The following RAD54B variants were observed in gnomAD, a reference collection of about 807,000 sequenced individuals.
RAD54B encodes RAD54 homolog B.
Under a neutral mutation model 95.8 loss-of-function variants are expected in RAD54B, and 78 were observed. That is an observed-to-expected ratio of 0.81 (90% confidence interval 0.68 to 0.98). The LOEUF is 0.98. RAD54B is among the 50% of genes least tolerant of loss of function. The pLI is 0.00. For missense variants in RAD54B, 957 were observed against 1,056.6 expected (o/e 0.91, Z 1.31); for synonymous variants, 328 against 354.9 (o/e 0.92, Z 0.85).
chr8:94,436,976 C>T (rs1044416338), intron 3 of RAD54B: 7 of 1,420,216 alleles, frequency 4.9e-6, no homozygotes, highest in Admixed American at 3.2e-5. Flanking sequence ...AGGCTAGCCT[C>T]ATTTAGGCCC....
Position 94,372,079 on chromosome 8 carries a change from T to A in RAD54B, c.*91A>T. The A allele has an allele frequency of 6.8e-7, 1 of 1,481,310 alleles. No homozygotes were observed. Among genetic ancestry groups the A allele is most frequent in the East Asian group, 2.5e-5 (1 of 40,192 alleles). 91.8% of individuals were successfully genotyped at this position (1,481,310 alleles called of 1,614,324 possible). On this transcript the variant is annotated 3_prime_UTR_variant, in exon 15 of 15. Coordinates refer to ENST00000336148, the MANE Select transcript of RAD54B (RefSeq NM_012415.3). ...TATATTTTGCAACATATACTGTAAT[T>A]TAAATAATTCTATTAATTTTCAAAA...
intron 3 of RAD54B, among the ~76,000 whole-genome samples, chr8:94,416,380 G>T (rs574179513): frequency 6.6e-6 from 1 of 151,984 alleles, no homozygotes; most frequent in African/African-American, 2.4e-5. Flanking sequence ...GTGGGGCGAG[G>T]GGGGAGGGAT....
At chr8:94,399,368 C>A in intron 8 of RAD54B, 46 bp downstream of exon 8, 2 of 1,484,092 alleles carry the variant, frequency 1.3e-6, no homozygotes, top group East Asian at 2.3e-5. Context: ...TCTGTATGTT[C>A]ACTAGGCAAA....
At chr8:94,473,547 T>C (rs909568991) in intron 1 of RAD54B, among the ~76,000 whole-genome samples, 25 of 152,082 alleles carry the variant, frequency 1.6e-4, no homozygotes, top group Admixed American at 1.6e-3. Flanking sequence ...ACTTGACACA[T>C]AGTAAGCACT....
At chr8:94,383,114 T>C (rs1264980887) in intron 11 of RAD54B, among the ~76,000 whole-genome samples, 3 of 151,652 alleles carry the variant, frequency 2.0e-5, no homozygotes, top group African/African-American at 2.4e-5. Context: ...CTGGGCAACA[T>C]GGTGAAACTC....
At chr8:94,377,890 G>A (rs1267316420) in intron 14 of RAD54B, among the ~76,000 whole-genome samples, 1 of 141,934 alleles carries the variant, frequency 7.0e-6, no homozygotes, top group Non-Finnish European at 1.5e-5. Flanking sequence ...GCAGGAGAAT[G>A]GCGTGAACCC....
At position 94,461,160 on chromosome 8, in the gene RAD54B, C is replaced by CTTTT. The variant is rs57563259; in HGVS notation, c.136-2728_136-2725dup. 2.0e-4 allele frequency among the ~76,000 whole-genome samples: 12 copies of CTTTT among 59,986 alleles called. 1 individual carries two copies. The highest frequency in any genetic ancestry group is 5.7e-4 in the East Asian group (1 of 1,760). 39.4% of individuals were successfully genotyped at this position (59,986 alleles called of 152,430 possible). On this transcript the variant is annotated intron_variant, in intron 2 of 14. Coordinates refer to ENST00000336148, the MANE Select transcript of RAD54B (RefSeq NM_012415.3). ...TTGTCATGTTATTATAAATACTCAT[C>CTTTT]TTTTTTTTTTTTTTTTTTTTTTTTT...
In RAD54B at chr8:94,380,414, T is replaced by A. The variant is rs1335988837; in HGVS notation, c.1986-8A>T. The A allele has an allele frequency of 1.9e-6, 3 of 1,568,710 alleles. No homozygotes were observed. In the African/African-American group the frequency reaches 4.1e-5, roughly 22 times the overall value. ...TTGGATACCAACACCACCCTGTCAATCAAAAAGAAAGATTCTTTAGATAAA... is the reference window on the plus strand; with the variant it reads ...TTGGATACCAACACCACCCTGTCAAACAAAAAGAAAGATTCTTTAGATAAA... On this transcript the variant is annotated splice_region_variant and splice_polypyrimidine_tract_variant and intron_variant, in intron 11 of 14. Coordinates refer to ENST00000336148, the MANE Select transcript of RAD54B (RefSeq NM_012415.3).
chr8:94,406,200 A>G (rs192317875), intron 5 of RAD54B, among the ~76,000 whole-genome samples: 2 of 152,296 alleles, frequency 1.3e-5, no homozygotes, highest in African/African-American at 2.4e-5. Flanking sequence ...CGTTTTACAC[A>G]TGAGTAGGCA....
chr8:94,458,220 T>C, intron 3 of RAD54B, 48 bp downstream of exon 3: 2 of 1,459,526 alleles, frequency 1.4e-6, no homozygotes, highest in African/African-American at 1.5e-5. Context: ...AAGAATACTG[T>C]AATACTATTG....
chr8:94,473,925 T>C (rs939739631), intron 1 of RAD54B, among the ~76,000 whole-genome samples: 7 of 152,194 alleles, frequency 4.6e-5, no homozygotes, highest in Admixed American at 6.5e-5. Flanking sequence ...GCCATGAGCA[T>C]TCAGTAGAAA....
At chr8:94,417,942 A>G (rs573864110) in intron 3 of RAD54B, among the ~76,000 whole-genome samples, 44 of 151,902 alleles carry the variant, frequency 2.9e-4, no homozygotes, top group African/African-American at 8.7e-4. Flanking sequence ...GCATGACCCA[A>G]TGAACTCTGA....
Position 94,467,389 on chromosome 8 carries a change from T to G in RAD54B, c.135+16A>C. ...TTCTCTATATTATCTATATCATGAG[T>G]CTTTTTTTGCCTTACCTCAAATAAT... is the stretch of plus-strand genomic sequence containing the variant. On this transcript the variant is annotated intron_variant, in intron 2 of 14. Coordinates refer to ENST00000336148, the MANE Select transcript of RAD54B (RefSeq NM_012415.3). 1 of 1,588,574 alleles carries G rather than the reference T, an allele frequency of 6.3e-7. No individual in the cohort carries two copies.
chr8:94,427,710 A>C (rs2130089132), intron 3 of RAD54B: 4 of 983,504 alleles, frequency 4.1e-6, no homozygotes, highest in South Asian at 9.4e-5. Flanking sequence ...AAAGTACACA[A>C]ATCAGTACAA....
At chr8:94,394,745 T>A (rs1171418816) in intron 8 of RAD54B, among the ~76,000 whole-genome samples, 1 of 152,150 alleles carries the variant, frequency 6.6e-6, no homozygotes, top group Non-Finnish European at 1.5e-5. Flanking sequence ...CAATGTAATA[T>A]CAGATGGCTT....
chr8:94,391,060 T>G (rs1476560390), intron 10 of RAD54B, among the ~76,000 whole-genome samples: 2 of 152,044 alleles, frequency 1.3e-5, no homozygotes, highest in Admixed American at 6.6e-5. Flanking sequence ...ATTTCCAGAT[T>G]AGGAATGCTC....
At chr8:94,429,072 G>A in intron 3 of RAD54B, 4 of 985,304 alleles carry the variant, frequency 4.1e-6, no homozygotes, top group Non-Finnish European at 2.4e-6. Context: ...AAACAAGACT[G>A]ACTTGGAGAA....
At position 94,378,189 on chromosome 8, in the gene RAD54B, C is replaced by T. The variant is rs755182346; in HGVS notation, c.2506G>A (p.Val836Ile). Residue 836 changes from valine to isoleucine, a missense_variant, in exon 14 of 15, where the codon GTT becomes ATT. Transcript: ENST00000336148. ...LLDCECTGEE[V>I]HTGDSLEKFI... is the part of the protein sequence containing the mutation. Reference sequence around the variant, plus strand: ...TTAAAATATAACTAACCTGTATGAACTTCTTCTCCTGTACACTCACAGTCA... The same window carrying T: ...TTAAAATATAACTAACCTGTATGAATTTCTTCTCCTGTACACTCACAGTCA... The T allele has an allele frequency of 2.4e-5, 38 of 1,608,230 alleles. No individual in the cohort carries two copies. The highest frequency in any genetic ancestry group is 4.1e-4 in the Middle Eastern group (2 of 4,930).
At position 94,391,763 on chromosome 8, in the gene RAD54B, C is replaced by A; in HGVS notation, c.1655G>T (p.Gly552Val). The change falls in exon 10 of 15, where the codon GGA becomes GTA. Residue 552 changes from glycine (G) to valine (V), a missense_variant. Transcript: ENST00000336148. ...TCGATAAAGCTCAATCTGTAGTGCTCCTGGTCGGCAAAAGACAACATTCTC... is the reference window on the plus strand; with the variant it reads ...TCGATAAAGCTCAATCTGTAGTGCTACTGGTCGGCAAAAGACAACATTCTC... Reference protein sequence around the residue: ...KIENVVFCRPGALQIELYRKL... With the variant: ...KIENVVFCRPVALQIELYRKL... 6.2e-7 allele frequency: 1 copy of A among 1,613,992 alleles called. No individual in the cohort carries two copies. The highest frequency in any genetic ancestry group is 1.1e-5 in the South Asian group (1 of 91,072).
Sources: gnomAD v4.1 joint callset for allele counts (sites outside exome capture counted in the v4.1 genomes callset) on GRCh38, gnomAD v4.1.1 for gene constraint, MANE v1.5 for transcripts, NCBI Gene and HGNC (gene_info 2026-07-23, HGNC 2026-07-21) for gene names.